R3HDM2: variants seen among roughly 807,000 people sequenced by gnomAD.
R3HDM2 encodes the protein R3H domain containing 2.
A neutral mutation model predicts 124.5 loss-of-function variants in R3HDM2; 38 were observed. That is an observed-to-expected ratio of 0.31 (90% CI 0.24 to 0.40). The LOEUF (loss-of-function observed/expected upper bound fraction) is 0.40, where lower values mean the gene tolerates loss of function less well. Among genes scored for constraint, R3HDM2 ranks in the 10% least tolerant of loss-of-function variants. The pLI, the probability that R3HDM2 is intolerant of heterozygous loss-of-function variation, is 1.00. For synonymous variants in R3HDM2, 391 were observed against 448.0 expected, an observed-to-expected ratio of 0.87 and a Z score of 1.61; for missense variants, 869 against 1,236.9, an observed-to-expected ratio of 0.70 and a Z score of 4.46.
At chr12:57,384,311 G>T (rs984787679) in intron 2 of R3HDM2, among the ~76,000 whole-genome samples, 2 of 150,234 alleles carry the variant, frequency 1.3e-5, no homozygotes, top group Non-Finnish European at 3.0e-5. Context: ...CCGAGATCAC[G>T]CCACTGCACT....
At chr12:57,413,011 A>G (rs1389669996) in intron 1 of R3HDM2, among the ~76,000 whole-genome samples, 1 of 152,102 alleles carries the variant, frequency 6.6e-6, no homozygotes, top group African/African-American at 2.4e-5. Flanking sequence ...AAAATTAGCC[A>G]GGCGTGGTGG....
intron 11 of R3HDM2, among the ~76,000 whole-genome samples, chr12:57,292,002 T>C (rs140257280): frequency 6.6e-6 from 1 of 152,310 alleles, no homozygotes; most frequent in African/African-American, 2.4e-5. Flanking sequence ...AGGTAAGAAA[T>C]ATAGGAAGAA....
intron 3 of R3HDM2, among the ~76,000 whole-genome samples, chr12:57,303,730 C>T (rs2051858992): frequency 2.0e-5 from 3 of 151,724 alleles, no homozygotes; most frequent in South Asian, 2.1e-4. Flanking sequence ...TGCAGTGAGC[C>T]GAGATCACGC....
chr12:57,343,251 C>T (rs1315679114), intron 2 of R3HDM2, among the ~76,000 whole-genome samples: 1 of 142,394 alleles, frequency 7.0e-6, no homozygotes, highest in Non-Finnish European at 1.5e-5. Flanking sequence ...AGTCCAATGG[C>T]GCGATCTTGG....
At chr12:57,406,408 C>T (rs1374602318) in intron 1 of R3HDM2, among the ~76,000 whole-genome samples, 1 of 148,814 alleles carries the variant, frequency 6.7e-6, no homozygotes, top group Non-Finnish European at 1.5e-5. Context: ...TTTTTAAAAA[C>T]TCATCAGTCA....
chr12:57,419,654 T>C (rs2069996752), intron 1 of R3HDM2, among the ~76,000 whole-genome samples: 2 of 151,990 alleles, frequency 1.3e-5, no homozygotes, highest in Non-Finnish European at 2.9e-5. Flanking sequence ...GTTGCCCAGA[T>C]TGCTTTCAAA....
chr12:57,257,339 A>G (rs1592309742), intron 21 of R3HDM2, among the ~76,000 whole-genome samples: 1 of 152,234 alleles, frequency 6.6e-6, no homozygotes, highest in East Asian at 1.9e-4. Flanking sequence ...TAAGACATGT[A>G]AAGCATTTAT....
intron 7 of R3HDM2, among the ~76,000 whole-genome samples, chr12:57,297,604 C>T (rs1262702491): frequency 6.6e-6 from 1 of 152,148 alleles, no homozygotes; most frequent in Non-Finnish European, 1.5e-5. Flanking sequence ...TTTGCAGGTC[C>T]TCCAATCATA....
At chr12:57,404,123 G>A (rs1332022821) in intron 1 of R3HDM2, among the ~76,000 whole-genome samples, 1 of 123,494 alleles carries the variant, frequency 8.1e-6, no homozygotes, top group Non-Finnish European at 1.6e-5. Context: ...GGAGTGCAAT[G>A]GCACGATCTT....
chr12:57,294,659 C>T (rs1393338426), intron 10 of R3HDM2, among the ~76,000 whole-genome samples: 1 of 152,118 alleles, frequency 6.6e-6, no homozygotes, highest in Non-Finnish European at 1.5e-5. Context: ...CTTTTGGAGG[C>T]CAAGCAGAGG....
chr12:57,370,650 A>G (rs2063242181), intron 2 of R3HDM2, among the ~76,000 whole-genome samples: 1 of 152,104 alleles, frequency 6.6e-6, no homozygotes, highest in Non-Finnish European at 1.5e-5. Context: ...CAAAAGAAAA[A>G]TAAAATAAAA....
intron 2 of R3HDM2, among the ~76,000 whole-genome samples, chr12:57,336,989 TAGATCTC>T (rs2058934878): frequency 6.6e-6 from 1 of 152,208 alleles, no homozygotes; most frequent in African/African-American, 2.4e-5. Flanking sequence ...TAAAAAAGTC[TAGATCTC>T]ATGTGTTAGC....
chr12:57,415,225 T>C (rs1594610206), intron 1 of R3HDM2: 1 of 152,062 alleles, frequency 6.6e-6, no homozygotes, highest in South Asian at 2.1e-4. Context: ...CTCTTCTCTT[T>C]AGAACAATAC....
chr12:57,359,288 T>A (rs1406098003), intron 2 of R3HDM2, among the ~76,000 whole-genome samples: 2 of 152,156 alleles, frequency 1.3e-5, no homozygotes, highest in Non-Finnish European at 2.9e-5. Flanking sequence ...CTTGAACTCC[T>A]GAACCCAAGT....
At chr12:57,407,542 A>C (rs1034150073) in intron 1 of R3HDM2, among the ~76,000 whole-genome samples, 1 of 150,902 alleles carries the variant, frequency 6.6e-6, no homozygotes, top group Non-Finnish European at 1.5e-5. Flanking sequence ...AGTAGCTGGA[A>C]TTACAGGCGT....
At chr12:57,407,399 A>T (rs1302649750) in intron 1 of R3HDM2, among the ~76,000 whole-genome samples, 2 of 151,588 alleles carry the variant, frequency 1.3e-5, no homozygotes, top group South Asian at 2.1e-4. Context: ...ATATTAAGGA[A>T]TTTTTTTTTC....
chr12:57,270,341 G>T (rs1443165604), intron 14 of R3HDM2, among the ~76,000 whole-genome samples: 1 of 152,194 alleles, frequency 6.6e-6, no homozygotes, highest in African/African-American at 2.4e-5. Context: ...TCGTGCCTCA[G>T]CCTCCTGAGT....
In R3HDM2 at chr12:57,428,109, G is replaced by C. The variant is rs1868361561; in HGVS notation, c.-106+2611C>G. On this transcript the variant is annotated intron_variant, in intron 1 of 23. Coordinates refer to ENST00000402412, the MANE Select transcript of R3HDM2 (RefSeq NM_001394031.1). ...CACTCCAGCCTGGGTGACAGAGCGA[G>C]ACTCCATCTCAAAAAAAAAAAAGAG... 1.3e-5 allele frequency among the ~76,000 whole-genome samples: 2 copies of C among 150,434 alleles called. 1 individual carries two copies. The highest frequency in any genetic ancestry group is 1.3e-4 in the Admixed American group (2 of 15,072).
chr12:57,331,267 G>T (rs1160487504), intron 2 of R3HDM2, among the ~76,000 whole-genome samples: 1 of 152,062 alleles, frequency 6.6e-6, no homozygotes, highest in Non-Finnish European at 1.5e-5. Context: ...ATCCCCCAAT[G>T]GGTCTCCATC....
Sources: allele counts gnomAD v4.1 joint callset (sites outside exome capture counted in the v4.1 genomes callset), GRCh38; gene constraint gnomAD v4.1.1; transcripts MANE v1.5; gene names NCBI Gene and HGNC (gene_info 2026-07-23, HGNC 2026-07-21).